PAN3: variants seen among roughly 807,000 people sequenced by gnomAD.
The protein encoded by PAN3 is poly(A) specific ribonuclease subunit PAN3.
PAN3 carries 19 observed loss-of-function variants against 96.2 expected under a neutral mutation model. That is an observed-to-expected ratio of 0.20 (90% CI 0.14 to 0.29). PAN3 has a LOEUF of 0.29. Among genes scored for constraint, PAN3 ranks in the 10% least tolerant of loss-of-function variants. PAN3 has a pLI of 1.00. For synonymous variants in PAN3, 433 were observed against 406.6 expected (o/e 1.06, Z -0.78); for missense variants, 882 against 1,108.1 (o/e 0.80, Z 2.90).
chr13:28,244,941 C>T (rs1001517578), intron 6 of PAN3, among the ~76,000 whole-genome samples: 3 of 152,028 alleles, frequency 2.0e-5, no homozygotes, highest in East Asian at 1.9e-4. Context: ...CTCCGCCTCC[C>T]GGGTTCTAGC....
At chr13:28,274,408 A>G (rs1886889367) in intron 14 of PAN3, among the ~76,000 whole-genome samples, 1 of 152,056 alleles carries the variant, frequency 6.6e-6, no homozygotes, top group Non-Finnish European at 1.5e-5. Flanking sequence ...CAAGCAGATA[A>G]TATTAAATTT....
intron 2 of PAN3, among the ~76,000 whole-genome samples, chr13:28,175,689 A>G (rs1566159683): frequency 6.6e-6 from 1 of 152,204 alleles, no homozygotes; most frequent in Non-Finnish European, 1.5e-5. Flanking sequence ...ACAGCCATAT[A>G]TAGAAATGGT....
At chr13:28,268,516 A>G (rs1886365876) in intron 12 of PAN3, among the ~76,000 whole-genome samples, 1 of 152,184 alleles carries the variant, frequency 6.6e-6, no homozygotes. Context: ...TTTGCAAACA[A>G]CCAGAATACT....
At position 28,265,768 on chromosome 13, in the gene PAN3, C is replaced by T. The variant is rs1256179687; in HGVS notation, c.1412-947C>T. ...TTGAGACGGAGTCTCGCTCTGTCGC[C>T]CAGGTGGGACTGCGGACTGCAGTGG... On this transcript the variant is annotated intron_variant, in intron 9 of 18. Transcript: ENST00000380958. Among the ~76,000 whole-genome samples, 10 of 2,408 alleles carry T rather than the reference C, an allele frequency of 4.2e-3. 5 individuals are homozygous for T. Among genetic ancestry groups the T allele is most frequent in the African/African-American group, 0.017 (6 of 362 alleles). The allele number at this position is 2,408 out of a possible 152,430, so 1.6% of individuals were successfully genotyped here.
intron 18 of PAN3, among the ~76,000 whole-genome samples, chr13:28,289,648 A>G (rs55974192): frequency 0.029 from 4,367 of 152,152 alleles, 88 homozygotes; most frequent in South Asian, 0.065. Flanking sequence ...TTGGGAGGCC[A>G]CGGCGGGCGG....
chr13:28,231,362 C>T (rs946680798), intron 6 of PAN3, among the ~76,000 whole-genome samples: 1 of 152,134 alleles, frequency 6.6e-6, no homozygotes, highest in Non-Finnish European at 1.5e-5. Flanking sequence ...AGGCTGTGAT[C>T]TCTATCAAAT....
chr13:28,197,671 C>G (rs1275912545), intron 5 of PAN3, among the ~76,000 whole-genome samples: 1 of 151,998 alleles, frequency 6.6e-6, no homozygotes, highest in Non-Finnish European at 1.5e-5. Context: ...CTCCCAGATT[C>G]AAGATACCAT....
At chr13:28,276,597 A>T (rs1408496900) in intron 14 of PAN3, among the ~76,000 whole-genome samples, 1 of 152,164 alleles carries the variant, frequency 6.6e-6, no homozygotes, top group Non-Finnish European at 1.5e-5. Flanking sequence ...GAGCTCAAAG[A>T]TCTGTTAGAG....
At chr13:28,141,462 C>CTTTTTTTTTT (rs759736683) in intron 1 of PAN3, among the ~76,000 whole-genome samples, 96 of 90,310 alleles carry the variant, frequency 1.1e-3, no homozygotes, top group African/African-American at 1.5e-3. Context: ...TTCTTTTTTT[C>CTTTTTTTTTT]TTTTTTTTTT....
At chr13:28,176,749 G>C (rs1875060688) in intron 3 of PAN3, among the ~76,000 whole-genome samples, 190 bp downstream of exon 3, 1 of 151,964 alleles carries the variant, frequency 6.6e-6, no homozygotes, top group African/African-American at 2.4e-5. Flanking sequence ...GCTCATGCCT[G>C]TAATCCCAGC....
intron 15 of PAN3, among the ~76,000 whole-genome samples, chr13:28,278,225 CACCTGT>C (rs1201954388): frequency 6.6e-6 from 1 of 152,188 alleles, no homozygotes; most frequent in Non-Finnish European, 1.5e-5. Context: ...TGGGATTGCC[CACCTGT>C]TCTTTGTTAC....
intron 6 of PAN3, among the ~76,000 whole-genome samples, chr13:28,238,702 CA>C (rs751308792): frequency 7.9e-5 from 12 of 151,956 alleles, no homozygotes; most frequent in Admixed American, 6.6e-4. Context: ...CGTTTGTAAA[CA>C]AAAAAACTTT....
chr13:28,138,360 G>C (rs550656977), upstream of PAN3: 1 of 183,724 alleles, frequency 5.4e-6, no homozygotes, highest in East Asian at 1.4e-4. Context: ...CGCCCTCGAA[G>C]TCCCCGTCTG....
Position 28,224,025 on chromosome 13 carries a change from C to T in PAN3, c.1000+3647C>T, listed in dbSNP as rs1014467710. On this transcript the variant is annotated intron_variant, in intron 6 of 18. Coordinates refer to ENST00000380958, the MANE Select transcript of PAN3 (RefSeq NM_175854.8). ...CTGGGACTACAGGCGCCCGCCACCGCGCCCGGCTAATTTTTTTTTGTATTT... is the reference window on the plus strand; with the variant it reads ...CTGGGACTACAGGCGCCCGCCACCGTGCCCGGCTAATTTTTTTTTGTATTT... 8.6e-5 allele frequency among the ~76,000 whole-genome samples: 13 copies of T among 151,526 alleles called. No individual in the cohort carries two copies. In the South Asian group the frequency reaches 1.2e-3, roughly 15 times the overall value.
chr13:28,168,655 G>A (rs1336124685), intron 1 of PAN3, among the ~76,000 whole-genome samples: 1 of 151,406 alleles, frequency 6.6e-6, no homozygotes, highest in African/African-American at 2.4e-5. Flanking sequence ...GGAGGCGGAG[G>A]TTGCAGTGAG....
intron 13 of PAN3, 35 bp from the exon 14 acceptor site, chr13:28,271,946 T>G (rs752818755): frequency 9.3e-6 from 13 of 1,401,436 alleles, no homozygotes; most frequent in South Asian, 8.4e-5. Context: ...AAAACTTATT[T>G]TAATTATTTT....
At chr13:28,172,857 G>A (rs1408933204) in intron 1 of PAN3, among the ~76,000 whole-genome samples, 1 of 152,152 alleles carries the variant, frequency 6.6e-6, no homozygotes, top group African/African-American at 2.4e-5. Flanking sequence ...AGGAGTTCGA[G>A]ACCAGCCTGA....
intron 1 of PAN3, among the ~76,000 whole-genome samples, chr13:28,170,828 C>T (rs1223006418): frequency 6.6e-6 from 1 of 151,936 alleles, no homozygotes; most frequent in South Asian, 2.1e-4. Context: ...TGGAGTTTTG[C>T]TCTTGTTGCC....
chr13:28,172,472 A>G (rs1430601402), intron 1 of PAN3, among the ~76,000 whole-genome samples: 3 of 152,082 alleles, frequency 2.0e-5, no homozygotes, highest in African/African-American at 7.2e-5. Flanking sequence ...AAAATTATTT[A>G]GTCTTTATTA....
Sources: allele counts gnomAD v4.1 joint callset (sites outside exome capture counted in the v4.1 genomes callset), GRCh38; gene constraint gnomAD v4.1.1; transcripts MANE v1.5; gene names NCBI Gene and HGNC (gene_info 2026-07-23, HGNC 2026-07-21).